Variants in PLPP1 observed in about 807,000 individuals in gnomAD.
PLPP1 encodes the protein lipid phosphate phosphohydrolase 1a.
A neutral mutation model predicts 31.2 loss-of-function variants in PLPP1; 24 were observed. That is an observed-to-expected ratio of 0.77 (90% CI 0.56 to 1.08). The LOEUF is 1.08. PLPP1 is among the 50% of genes least tolerant of loss of function. The pLI, the probability that PLPP1 is intolerant of heterozygous loss-of-function variation, is 0.00. For synonymous variants in PLPP1, 146 were observed against 126.3 expected (o/e 1.16, Z -1.05); for missense variants, 319 against 342.7 (o/e 0.93, Z 0.55).
At chr5:55,514,751 T>C (rs1037120832) in intron 1 of PLPP1, among the ~76,000 whole-genome samples, 2 of 152,266 alleles carry the variant, frequency 1.3e-5, no homozygotes, top group South Asian at 2.1e-4. Flanking sequence ...TTGGTTATTA[T>C]TGCAGTAGCA....
intron 4 of PLPP1, among the ~76,000 whole-genome samples, chr5:55,427,114 C>CTAAT (rs1751221403): frequency 6.6e-6 from 1 of 151,536 alleles, no homozygotes; most frequent in Non-Finnish European, 1.5e-5. Context: ...AGAAAACTAC[C>CTAAT]TAATTTCTAT....
At chr5:55,478,877 A>G (rs543617118) in intron 1 of PLPP1, among the ~76,000 whole-genome samples, 1 of 152,304 alleles carries the variant, frequency 6.6e-6, no homozygotes, top group South Asian at 2.1e-4. Flanking sequence ...AAATATAAGA[A>G]AATAAGCATG....
intron 3 of PLPP1, among the ~76,000 whole-genome samples, chr5:55,443,192 A>AAAATATATATATAT: frequency 4.6e-3 from 116 of 25,344 alleles, no homozygotes; most frequent in South Asian, 7.4e-3. Flanking sequence ...AAAAAAAAAA[A>AAAATATATATATAT]ATATATATAT....
intron 3 of PLPP1, among the ~76,000 whole-genome samples, chr5:55,461,816 A>G (rs953152852): frequency 2.6e-5 from 4 of 152,196 alleles, no homozygotes; most frequent in African/African-American, 7.2e-5. Context: ...TGGGAAAGCA[A>G]AAAACCTTCA....
At chr5:55,481,559 CTG>C (rs1177316392) in intron 1 of PLPP1, among the ~76,000 whole-genome samples, 1 of 152,084 alleles carries the variant, frequency 6.6e-6, no homozygotes, top group Admixed American at 6.6e-5. Flanking sequence ...TTGGGATTTA[CTG>C]TGAGATCAAG....
chr5:55,532,080 ACTC>A (rs1250644765), intron 1 of PLPP1, among the ~76,000 whole-genome samples: 2 of 152,204 alleles, frequency 1.3e-5, no homozygotes, highest in African/African-American at 4.8e-5. Flanking sequence ...CAGCTATTGT[ACTC>A]CTGCAACTGT....
rs1158852953 is a variant in PLPP1 at position 55,425,999 on chromosome 5, A to T, written c.590T>A (p.Leu197His). The T allele has an allele frequency of 3.1e-6, 5 of 1,610,530 alleles. No individual in the cohort carries two copies. The highest frequency in any genetic ancestry group is 4.2e-6 in the Non-Finnish European group (5 of 1,179,094). Residue 197 changes from leucine (L) to histidine (H), a missense_variant, in exon 5 of 6, where the codon CTC (leucine) becomes CAC (histidine). Coordinates refer to ENST00000307259, the MANE Select transcript of PLPP1 (RefSeq NM_003711.4). Reference protein sequence around the residue: ...QARMKGDWARLLRPTLQFGLV... With the variant: ...QARMKGDWARHLRPTLQFGLV... ...ACCAAATTGCAGTGTGGGGCGTAAG[A>T]GTCTTGCCCAGTCTCCCTTCATCCT...
intron 1 of PLPP1, among the ~76,000 whole-genome samples, chr5:55,513,828 A>T (rs1393819147): frequency 6.6e-6 from 1 of 152,180 alleles, no homozygotes; most frequent in Non-Finnish European, 1.5e-5. Flanking sequence ...CAGGAGGCTG[A>T]AGTGTGAGGA....
chr5:55,501,033 G>A (rs999537661), intron 1 of PLPP1, among the ~76,000 whole-genome samples: 3 of 152,188 alleles, frequency 2.0e-5, no homozygotes, highest in Non-Finnish European at 4.4e-5. Context: ...ACACAAAGCA[G>A]GCCAGGCATG....
intron 1 of PLPP1, among the ~76,000 whole-genome samples, chr5:55,493,755 C>G (rs1752945296): frequency 6.6e-6 from 1 of 151,912 alleles, no homozygotes; most frequent in South Asian, 2.1e-4. Flanking sequence ...GGCGTAGTGG[C>G]TGTAGTCCCA....
At chr5:55,464,926 T>A (rs1752253338) in intron 3 of PLPP1, among the ~76,000 whole-genome samples, 1 of 152,204 alleles carries the variant, frequency 6.6e-6, no homozygotes, top group Admixed American at 6.5e-5. Context: ...GGCAAAATTT[T>A]ATGTCATGTG....
In PLPP1 at chr5:55,503,613, T is replaced by TA. The variant is rs112050563; in HGVS notation, c.59-28164dup. ...CAACATGGTAAAACCCCATCTCTGC[T>TA]AAAAAAAAATACAAAAATTAGTCTG... On this transcript the variant is annotated intron_variant, in intron 1 of 5. Transcript: ENST00000307259. Among the ~76,000 whole-genome samples the TA allele has an allele frequency of 6.2e-3, 918 of 148,192 alleles. 5 individuals are homozygous for TA. Among genetic ancestry groups the TA allele is most frequent in the African/African-American group, 0.021 (859 of 40,180 alleles).
intron 1 of PLPP1, chr5:55,530,513 T>C (rs1335317046): frequency 1.7e-6 from 2 of 1,197,904 alleles, no homozygotes; most frequent in African/African-American, 1.5e-5. Flanking sequence ...TGTTCCCTAC[T>C]GAATCTTCAG....
chr5:55,509,351 A>G (rs765096863), intron 1 of PLPP1, among the ~76,000 whole-genome samples: 13 of 152,228 alleles, frequency 8.5e-5, no homozygotes, highest in Non-Finnish European at 1.8e-4. Flanking sequence ...AGATGTTATG[A>G]AAAGTGTTAA....
intron 3 of PLPP1, among the ~76,000 whole-genome samples, chr5:55,465,148 A>G (rs893336408): frequency 6.6e-6 from 1 of 151,114 alleles, no homozygotes. Context: ...GGTTCAAGCG[A>G]TTCTCCTGCC....
At position 55,425,801 on chromosome 5, in the gene PLPP1, T is replaced by TC. The variant is rs70992790; in HGVS notation, c.726+61dup. 1,810 of 1,398,926 alleles carry TC rather than the reference T, an allele frequency of 1.3e-3. 27 individuals carry two copies. In the African/African-American group the frequency reaches 0.022, roughly 17 times the overall value. 86.7% of individuals were successfully genotyped at this position (1,398,926 alleles called of 1,614,324 possible). On this transcript the variant is annotated intron_variant, in intron 5 of 5. Coordinates refer to ENST00000307259, the MANE Select transcript of PLPP1 (RefSeq NM_003711.4). ...CTGGGGATTTTTTGGATTTTTTTTT[T>TC]CTATTTACTTATATAAATGTTTAGC...
At chr5:55,460,576 G>A (rs1752132943) in intron 3 of PLPP1, among the ~76,000 whole-genome samples, 2 of 152,172 alleles carry the variant, frequency 1.3e-5, no homozygotes, top group Non-Finnish European at 2.9e-5. Flanking sequence ...CAACTTACAT[G>A]AAATGGACAA....
At chr5:55,523,960 G>T (rs1753727122) in intron 1 of PLPP1, among the ~76,000 whole-genome samples, 2 of 152,112 alleles carry the variant, frequency 1.3e-5, no homozygotes, top group Admixed American at 1.3e-4. Flanking sequence ...ATCTGTAATT[G>T]TCTTATATAC....
At chr5:55,442,447 A>T (rs902779419) in intron 3 of PLPP1, among the ~76,000 whole-genome samples, 6 of 152,002 alleles carry the variant, frequency 3.9e-5, no homozygotes, top group Non-Finnish European at 7.4e-5. Context: ...AGGTCAGGAG[A>T]TCGAGACCAT....
Sources: allele counts gnomAD v4.1 joint callset (sites outside exome capture counted in the v4.1 genomes callset), GRCh38; gene constraint gnomAD v4.1.1; transcripts MANE v1.5; gene names NCBI Gene and HGNC (gene_info 2026-07-23, HGNC 2026-07-21).